The following ULK4 variants were observed in gnomAD, a reference collection of about 807,000 sequenced individuals.
ULK4 encodes the protein unc-51 like kinase 4.
A neutral mutation model predicts 160.6 loss-of-function variants in ULK4; 133 were observed. The ratio of observed to expected loss-of-function variants is 0.83; its 90% CI spans 0.72 to 0.96. The LOEUF is 0.96. Among genes scored for constraint, ULK4 ranks in the 40% least tolerant of loss-of-function variants. The pLI is 0.00. For missense variants in ULK4, 1,580 were observed against 1,499.5 expected (o/e 1.05, Z -0.89); for synonymous variants, 534 against 539.8 (o/e 0.99, Z 0.15).
intron 30 of ULK4, among the ~76,000 whole-genome samples, chr3:41,623,752 TAGAC>T (rs1483213743): frequency 6.6e-6 from 1 of 152,118 alleles, no homozygotes; most frequent in East Asian, 1.9e-4. Context: ...AAAGTTAAGT[TAGAC>T]AGGAGAAATA....
rs75813252 is a variant in ULK4 at position 41,601,307 on chromosome 3, A to T, written c.3120+14362T>A. Among the ~76,000 whole-genome samples the T allele has an allele frequency of 9.3e-3, 1,418 of 152,344 alleles. 22 individuals are homozygous for T. Among genetic ancestry groups the T allele is most frequent in the African/African-American group, 0.031 (1,308 of 41,580 alleles). On this transcript the variant is annotated intron_variant, in intron 31 of 36. Coordinates refer to ENST00000301831, the MANE Select transcript of ULK4 (RefSeq NM_017886.4). Reference sequence around the variant, plus strand: ...TTTCCAAAATAAGAAAAATCACTTTAAGACACGACAATAGGGAAGAAATTT... The same window carrying T: ...TTTCCAAAATAAGAAAAATCACTTTTAGACACGACAATAGGGAAGAAATTT...
chr3:41,888,223 A>G (rs189061239), intron 16 of ULK4, among the ~76,000 whole-genome samples: 1 of 152,322 alleles, frequency 6.6e-6, no homozygotes, highest in East Asian at 1.9e-4. Flanking sequence ...ATCTAAACTT[A>G]TGAGACATTC....
At chr3:41,606,293 C>G (rs1035364968) in intron 31 of ULK4, among the ~76,000 whole-genome samples, 2 of 151,672 alleles carry the variant, frequency 1.3e-5, no homozygotes, top group Admixed American at 1.3e-4. Context: ...GCAATAAAAC[C>G]AAAGGCAAAT....
rs1377405962 is a variant in ULK4 at position 41,364,823 on chromosome 3, CA to C, written c.3678+33255del. Among the ~76,000 whole-genome samples the C allele has an allele frequency of 3.3e-5, 5 of 152,172 alleles. No homozygotes were observed. In the East Asian group the frequency reaches 9.7e-4, roughly 29 times the overall value. On this transcript the variant is annotated intron_variant, in intron 35 of 36. Transcript: ENST00000301831. The stretch of plus-strand genomic sequence containing the variant: ...TTCGGAAAAGTGAAACTCTCAGATA[CA>C]AATCTTTTTTACGGCTTCAATAATC...
chr3:41,763,306 A>C (rs2039049697), intron 21 of ULK4, among the ~76,000 whole-genome samples: 1 of 152,348 alleles, frequency 6.6e-6, no homozygotes, highest in African/African-American at 2.4e-5. Context: ...TGAAGCAAGA[A>C]AGGTGTGAGC....
chr3:41,715,487 A>C lies in ULK4; in HGVS notation c.2537T>G (p.Leu846Arg), dbSNP rs1342123559. ...GTGAAGCACTACAGGCATCAGGGGG[A>C]GACACAACTTCAGCTGTTTCACTTG... Reference protein sequence around the residue: ...TVQVKQLKLCLPLMPVVLHLV... With the variant: ...TVQVKQLKLCRPLMPVVLHLV... Residue 846 changes from leucine to arginine, a missense_variant, in exon 24 of 37, where the codon CTC becomes CGC. Coordinates refer to ENST00000301831, the MANE Select transcript of ULK4 (RefSeq NM_017886.4). The C allele has an allele frequency of 2.0e-5, 32 of 1,614,028 alleles. No individual in the cohort carries two copies. The highest frequency in any genetic ancestry group is 5.0e-5 in the Admixed American group (3 of 59,994).
At chr3:41,556,876 G>C (rs192324816) in intron 32 of ULK4, among the ~76,000 whole-genome samples, 1 of 152,120 alleles carries the variant, frequency 6.6e-6, no homozygotes, top group East Asian at 1.9e-4. Flanking sequence ...AAGCAATATA[G>C]CATTAATATT....
chr3:41,781,741 C>G (rs2125583678), intron 21 of ULK4, among the ~76,000 whole-genome samples: 1 of 152,246 alleles, frequency 6.6e-6, no homozygotes, highest in South Asian at 2.1e-4. Flanking sequence ...GAGTTCGAGA[C>G]CAGCCTGGCC....
intron 35 of ULK4, among the ~76,000 whole-genome samples, chr3:41,395,053 AT>A (rs1299782023): frequency 1.3e-5 from 2 of 152,082 alleles, no homozygotes; most frequent in Non-Finnish European, 2.9e-5. Context: ...TGTGATCCCA[AT>A]GCAGAACATT....
At chr3:41,411,042 A>G (rs1470056279) in intron 34 of ULK4, among the ~76,000 whole-genome samples, 1 of 152,226 alleles carries the variant, frequency 6.6e-6, no homozygotes, top group African/African-American at 2.4e-5. Context: ...AAGTTAACCC[A>G]TAACAATGTA....
chr3:41,628,958 A>G (rs553348682), intron 30 of ULK4, among the ~76,000 whole-genome samples: 37 of 152,316 alleles, frequency 2.4e-4, no homozygotes, highest in Admixed American at 1.7e-3. Flanking sequence ...AGTCTGGGCA[A>G]GTTTAGGACT....
chr3:41,490,112 C>T (rs1042717092), intron 32 of ULK4, among the ~76,000 whole-genome samples: 2 of 152,180 alleles, frequency 1.3e-5, no homozygotes, highest in Non-Finnish European at 2.9e-5. Context: ...CTGTATATTA[C>T]AGTTCCTTTC....
In ULK4 at chr3:41,539,705, A is replaced by C. The variant is rs1284032437; in HGVS notation, c.3226+26320T>G. On this transcript the variant is annotated intron_variant, in intron 32 of 36. Transcript: ENST00000301831. Reference sequence around the variant, plus strand: ...TATAGTATTTCAGAACTCTGACTCTAACCACTGAAAACAAAACTTCAGTAG... The same window carrying C: ...TATAGTATTTCAGAACTCTGACTCTCACCACTGAAAACAAAACTTCAGTAG... Among the ~76,000 whole-genome samples the C allele has an allele frequency of 1.3e-5, 2 of 152,130 alleles. 1 individual carries two copies. The highest frequency in any genetic ancestry group is 4.8e-5 in the African/African-American group (2 of 41,436).
chr3:41,301,319 C>G (rs2079791657), intron 35 of ULK4, among the ~76,000 whole-genome samples: 1 of 150,552 alleles, frequency 6.6e-6, no homozygotes, highest in Admixed American at 6.6e-5. Context: ...GCTATTCAAT[C>G]TTTTAAGATT....
intron 21 of ULK4, among the ~76,000 whole-genome samples, chr3:41,772,504 C>T (rs971841355): frequency 6.6e-6 from 1 of 152,138 alleles, no homozygotes. Flanking sequence ...CATACACCCT[C>T]CCAAGACTAA....
Position 41,840,849 on chromosome 3 carries a change from G to C in ULK4, c.1657-4878C>G, listed in dbSNP as rs1037176448. On this transcript the variant is annotated intron_variant, in intron 17 of 36. Transcript: ENST00000301831. ...CCTAGCCACCCATTGTCTGGGATGT[G>C]GGGAGCCCCTCTGCCTGGCTGCCCC... Among the ~76,000 whole-genome samples the C allele has an allele frequency of 1.7e-4, 26 of 151,980 alleles. 1 individual carries two copies. Among genetic ancestry groups the C allele is most frequent in the African/African-American group, 2.4e-5 (1 of 41,368 alleles).
At chr3:41,718,952 T>A (rs1286383591) in intron 22 of ULK4, among the ~76,000 whole-genome samples, 3 of 152,210 alleles carry the variant, frequency 2.0e-5, no homozygotes, top group Non-Finnish European at 4.4e-5. Context: ...TCTTCTGTTC[T>A]AGTCAACAAT....
At chr3:41,776,583 T>G (rs985951670) in intron 21 of ULK4, among the ~76,000 whole-genome samples, 2 of 146,662 alleles carry the variant, frequency 1.4e-5, no homozygotes, top group South Asian at 4.3e-4. Context: ...AGGTACAAAA[T>G]GAAATACGTC....
At chr3:41,935,209 ATTTTTTTT>A (rs10524611) in intron 4 of ULK4, among the ~76,000 whole-genome samples, 2 of 135,552 alleles carry the variant, frequency 1.5e-5, no homozygotes, top group African/African-American at 6.5e-5. Flanking sequence ...TTATTTATTT[ATTTTTTTT>A]TTTTTTTTTT....
Sources: gnomAD v4.1 joint callset for allele counts (sites outside exome capture counted in the v4.1 genomes callset) on GRCh38, gnomAD v4.1.1 for gene constraint, MANE v1.5 for transcripts, NCBI Gene and HGNC (gene_info 2026-07-23, HGNC 2026-07-21) for gene names.